The following TNPO1 variants were observed in gnomAD, a reference collection of about 807,000 sequenced individuals.
The protein encoded by TNPO1 is transportin 1, also known as transportin-1.
TNPO1 carries 8 observed loss-of-function variants against 119.5 expected under a neutral mutation model. The ratio of observed to expected loss-of-function variants is 0.07; its 90% CI spans 0.04 to 0.12. TNPO1 has a LOEUF of 0.12. Among genes scored for constraint, TNPO1 ranks in the 10% least tolerant of loss-of-function variants. TNPO1 has a pLI of 1.00. For synonymous variants in TNPO1, 362 were observed against 363.0 expected, an observed-to-expected ratio of 1.00 and a Z score of 0.03; for missense variants, 576 against 1,089.8, an observed-to-expected ratio of 0.53 and a Z score of 6.64.
intron 15 of TNPO1, among the ~76,000 whole-genome samples, chr5:72,892,292 T>TA (rs1275084161): frequency 1.3e-5 from 2 of 152,058 alleles, no homozygotes; most frequent in Non-Finnish European, 2.9e-5. Flanking sequence ...CTTTTTTTTT[T>TA]AACACCCCTT....
intron 18 of TNPO1, among the ~76,000 whole-genome samples, chr5:72,895,553 T>TC (rs1749368855): frequency 6.6e-6 from 1 of 151,754 alleles, no homozygotes; most frequent in South Asian, 2.1e-4. Context: ...CAGCTCCCCT[T>TC]CCCCCCAACA....
intron 2 of TNPO1, 73 bp downstream of exon 2, chr5:72,848,571 G>A (rs1745274016): frequency 2.2e-6 from 2 of 894,544 alleles, no homozygotes; most frequent in African/African-American, 1.8e-5. Context: ...GGCGGCCGGG[G>A]GCTCCCGTCG....
chr5:72,862,031 A>T, intron 5 of TNPO1, 117 bp downstream of exon 5: 1 of 651,690 alleles, frequency 1.5e-6, no homozygotes, highest in Non-Finnish European at 2.7e-6. Flanking sequence ...CAAAACTTAG[A>T]AACCTAAAGT....
Position 72,817,026 on chromosome 5 carries a change from G to A in TNPO1, c.15+274G>A, listed in dbSNP as rs563397181. On this transcript the variant is annotated intron_variant, in intron 1 of 24. Transcript: ENST00000337273. The stretch of plus-strand genomic sequence containing the variant: ...TAGGGGCGGCAGGAGCCCGTTACAA[G>A]GGGCGGGAAGGGAAGGGTCTTACAT... 1.1e-5 allele frequency: 5 copies of A among 473,358 alleles called. No homozygotes were observed. The South Asian group carries it at 1.7e-4, about 16-fold the overall frequency. 29.3% of individuals were successfully genotyped at this position (473,358 alleles called of 1,614,324 possible).
chr5:72,896,256 T>C (rs1749420315), intron 18 of TNPO1, among the ~76,000 whole-genome samples: 1 of 152,188 alleles, frequency 6.6e-6, no homozygotes, highest in African/African-American at 2.4e-5. Context: ...AGATAAACAT[T>C]ACCAACTCCT....
chr5:72,862,802 C>G (rs1390695841), intron 5 of TNPO1, among the ~76,000 whole-genome samples: 1 of 152,088 alleles, frequency 6.6e-6, no homozygotes, highest in African/African-American at 2.4e-5. Context: ...TGAGCCACCA[C>G]GCCCGCCTAA....
In TNPO1 at chr5:72,909,464, A is replaced by T. The variant is rs1231216774; in HGVS notation, c.*791A>T. ...TTTGCATTGAACATTAATGTAGCGG[A>T]TATAATTTGATGATTATACTTCATT... On this transcript the variant is annotated 3_prime_UTR_variant, in exon 25 of 25. Coordinates refer to ENST00000337273, the MANE Select transcript of TNPO1 (RefSeq NM_002270.4). 6.6e-6 allele frequency: 1 copy of T among 152,164 alleles called. No individual in the cohort carries two copies. The highest frequency in any genetic ancestry group is 1.5e-5 in the Non-Finnish European group (1 of 68,030). 9.4% of individuals were successfully genotyped at this position (152,164 alleles called of 1,614,324 possible).
intron 4 of TNPO1, among the ~76,000 whole-genome samples, chr5:72,861,215 GAATT>G (rs1216720644): frequency 6.6e-6 from 1 of 151,882 alleles, no homozygotes; most frequent in Non-Finnish European, 1.5e-5. Flanking sequence ...CCAGCCATTA[GAATT>G]AATTTTAATT....
At chr5:72,868,348 C>T (rs913079201) in intron 6 of TNPO1, among the ~76,000 whole-genome samples, 46 of 133,316 alleles carry the variant, frequency 3.5e-4, no homozygotes, top group African/African-American at 1.3e-3. Flanking sequence ...AGGAGAATGG[C>T]ATGAACCTGG....
chr5:72,909,916 T>C lies in TNPO1; in HGVS notation c.*1243T>C, dbSNP rs1750444990. 6.6e-6 allele frequency: 1 copy of C among 152,652 alleles called. No homozygotes were observed. Among genetic ancestry groups the C allele is most frequent in the Non-Finnish European group, 1.5e-5 (1 of 68,024 alleles). The allele number at this position is 152,652 out of a possible 1,614,324, so 9.5% of individuals were successfully genotyped here. A position where few individuals can be genotyped will look rare whatever the true frequency, so the allele number is the denominator to read the frequency against. ...ATGTGCTTTCTGCATGGTTATATAC[T>C]ACTAGTGATTTTATCAAAACTTCTA... On this transcript the variant is annotated 3_prime_UTR_variant, in exon 25 of 25. Transcript: ENST00000337273.
At chr5:72,828,279 G>A (rs1228396726) in intron 1 of TNPO1, among the ~76,000 whole-genome samples, 2 of 152,164 alleles carry the variant, frequency 1.3e-5, no homozygotes, top group African/African-American at 2.4e-5. Flanking sequence ...GAGTACAATG[G>A]GAGACAGTGA....
At position 72,816,729 on chromosome 5, in the gene TNPO1, G is replaced by A. The variant is rs200694972; in HGVS notation, c.-9G>A. On this transcript the variant is annotated 5_prime_UTR_variant, in exon 1 of 25. Transcript: ENST00000337273. Reference sequence around the variant, plus strand: ...TCGGCCGAAGGCCCGAGCGCCCGAGGCGTCTGGGATGGTGTGGGACCGGGT... The same window carrying A: ...TCGGCCGAAGGCCCGAGCGCCCGAGACGTCTGGGATGGTGTGGGACCGGGT... 4.5e-4 allele frequency: 709 copies of A among 1,578,662 alleles called. No homozygotes were observed. The highest frequency in any genetic ancestry group is 5.7e-4 in the Non-Finnish European group (665 of 1,164,512).
Position 72,882,514 on chromosome 5 carries a change from T to C in TNPO1, c.968T>C (p.Ile323Thr). The change falls in exon 10 of 25, where the codon ATT (isoleucine) becomes ACT (threonine). Residue 323 changes from isoleucine to threonine, a missense_variant. Ile to Thr is a moderately conservative substitution (Grantham distance 89, BLOSUM62 -1). Around this residue, in one of 6 missense-constraint regions of TNPO1, gnomAD observed 310 missense variants for 583.0 expected, o/e 0.53. Transcript: ENST00000337273. Reference sequence around the variant, plus strand: ...GGCATGAAGTACTCAGACATAGATATTATCCTACTTAAGGTAAGGAAGCTT... The same window carrying C: ...GGCATGAAGTACTCAGACATAGATACTATCCTACTTAAGGTAAGGAAGCTT... ...VNGMKYSDID[I>T]ILLKGDVEED... 1 of 1,609,598 alleles carries C rather than the reference T, an allele frequency of 6.2e-7. No homozygotes were observed. Among genetic ancestry groups the C allele is most frequent in the Non-Finnish European group, 8.5e-7 (1 of 1,177,776 alleles).
chr5:72,908,197 A>G (rs34957), intron 24 of TNPO1, among the ~76,000 whole-genome samples: 73,518 of 151,894 alleles, frequency 0.48, 18,977 homozygotes, highest in Admixed American at 0.61. Context: ...ATACCAGACA[A>G]CCCCAAATAA....
At chr5:72,867,094 A>G (rs563477243) in intron 6 of TNPO1, among the ~76,000 whole-genome samples, 23 of 152,000 alleles carry the variant, frequency 1.5e-4, no homozygotes, top group Admixed American at 4.6e-4. Flanking sequence ...AAGCAGGAGA[A>G]TCAGTTGAAC....
At chr5:72,829,793 GC>G (rs1284438761) in intron 1 of TNPO1, among the ~76,000 whole-genome samples, 1 of 152,116 alleles carries the variant, frequency 6.6e-6, no homozygotes, top group East Asian at 1.9e-4. Context: ...GATTCCTGAT[GC>G]CCCTTCTTTT....
chr5:72,871,719 G>T lies in TNPO1; in HGVS notation c.597-920G>T, dbSNP rs560878729. 1.3e-3 allele frequency: 193 copies of T among 152,348 alleles called. 1 individual carries two copies. Among genetic ancestry groups the T allele is most frequent in the African/African-American group, 4.5e-3 (188 of 41,578 alleles). 9.4% of individuals were successfully genotyped at this position (152,348 alleles called of 1,614,324 possible). On this transcript the variant is annotated intron_variant, in intron 6 of 24. Coordinates refer to ENST00000337273, the MANE Select transcript of TNPO1 (RefSeq NM_002270.4). ...CAGAACAGCAAGTGAGAAGTCTCTG[G>T]AATTAGGAATCAGCCTTTTAGAGTG...
At chr5:72,894,064 A>G (rs1579924435) in intron 18 of TNPO1, among the ~76,000 whole-genome samples, 1 of 152,352 alleles carries the variant, frequency 6.6e-6, no homozygotes, top group African/African-American at 2.4e-5. Flanking sequence ...AGTAATAATC[A>G]GGTTTTCTTC....
chr5:72,820,792 G>T (rs902318193), intron 1 of TNPO1, among the ~76,000 whole-genome samples: 9 of 152,116 alleles, frequency 5.9e-5, no homozygotes, highest in Non-Finnish European at 1.3e-4. Context: ...AAACTGAGCT[G>T]GGAATAATGA....
Sources: gnomAD v4.1 joint callset for allele counts (sites outside exome capture counted in the v4.1 genomes callset) on GRCh38, gnomAD v4.1.1 for gene constraint, gnomAD v4.1.1 regional missense constraint, MANE v1.5 for transcripts, NCBI Gene and HGNC (gene_info 2026-07-23, HGNC 2026-07-21) for gene names.